Variants in FOCAD observed in about 807,000 individuals in gnomAD.
FOCAD encodes the protein KIAA1797.
Under a neutral mutation model 225.6 loss-of-function variants are expected in FOCAD, and 198 were observed. The ratio of observed to expected loss-of-function variants is 0.88; its 90% CI spans 0.78 to 0.99. FOCAD has a LOEUF of 0.99. Ranked by LOEUF, FOCAD falls within the 50% of genes least tolerant of loss-of-function variation. The probability of loss-of-function intolerance (pLI) is 0.00; values close to 1 mark genes in which losing one functional copy is unlikely to be tolerated. For synonymous variants in FOCAD, 897 were observed against 755.0 expected (o/e 1.19, Z -3.08); for missense variants, 2,713 against 2,123.6 (o/e 1.28, Z -5.46).
intron 21 of FOCAD, among the ~76,000 whole-genome samples, chr9:20,886,988 G>T (rs1376868113): frequency 6.6e-6 from 1 of 152,166 alleles, no homozygotes; most frequent in Non-Finnish European, 1.5e-5. Context: ...AGGCAGTGAG[G>T]CTCCATAGTC....
At chr9:20,935,574 A>G (rs896661150) in intron 28 of FOCAD, among the ~76,000 whole-genome samples, 1 of 152,030 alleles carries the variant, frequency 6.6e-6, no homozygotes, top group Middle Eastern at 3.2e-3. Flanking sequence ...CTAATTTTGT[A>G]TTTTTAGTAG....
At chr9:20,837,968 C>T (rs1056445839) in intron 15 of FOCAD, among the ~76,000 whole-genome samples, 2 of 152,046 alleles carry the variant, frequency 1.3e-5, no homozygotes, top group South Asian at 4.1e-4. Flanking sequence ...AAGAAGTTAA[C>T]TTGCTTAAAG....
intron 40 of FOCAD, 126 bp downstream of exon 40, chr9:20,986,591 G>C: frequency 1.3e-6 from 1 of 749,896 alleles, no homozygotes; most frequent in Non-Finnish European, 2.0e-6. Flanking sequence ...AGGCCTTCTG[G>C]TGCCAAATGA....
intron 10 of FOCAD, among the ~76,000 whole-genome samples, chr9:20,784,918 TTTTC>T (rs138731510): frequency 0.17 from 25,280 of 151,462 alleles, 2,509 homozygotes; most frequent in Non-Finnish European, 0.22. Context: ...AATAGATGTC[TTTTC>T]TTTCTTTCTT....
At chr9:20,958,443 A>T (rs1056329316) in intron 35 of FOCAD, among the ~76,000 whole-genome samples, 14 of 152,140 alleles carry the variant, frequency 9.2e-5, no homozygotes, top group Admixed American at 7.9e-4. Flanking sequence ...ATATTCATGG[A>T]GTACATAGAG....
At chr9:20,991,953 C>T (rs571077907) in intron 42 of FOCAD, among the ~76,000 whole-genome samples, 12 of 151,940 alleles carry the variant, frequency 7.9e-5, no homozygotes, top group African/African-American at 2.7e-4. Flanking sequence ...TTTTGCTTAT[C>T]GGTTGGATAT....
At chr9:20,671,718 A>G (rs751270947) in intron 2 of FOCAD, among the ~76,000 whole-genome samples, 42 of 152,312 alleles carry the variant, frequency 2.8e-4, no homozygotes, top group Admixed American at 1.7e-3. Context: ...GGCAGGCAAA[A>G]AAAGGGCAAA....
rs531667682 is a variant in FOCAD at position 20,967,836 on chromosome 9, A to G, written c.4133-8584A>G. On this transcript the variant is annotated intron_variant, in intron 35 of 43. Transcript: ENST00000338382. Reference sequence around the variant, plus strand: ...CCTGGGATAAATCGTGTTTGATCACAGTATATAATCTTTTTAATATGCTGT... The same window carrying G: ...CCTGGGATAAATCGTGTTTGATCACGGTATATAATCTTTTTAATATGCTGT... Among the ~76,000 whole-genome samples the G allele has an allele frequency of 2.0e-5, 3 of 152,216 alleles. No individual in the cohort carries two copies. In the South Asian group the frequency reaches 6.2e-4, roughly 32 times the overall value.
intron 15 of FOCAD, among the ~76,000 whole-genome samples, chr9:20,856,139 C>A (rs1287456353): frequency 2.6e-5 from 4 of 151,680 alleles, no homozygotes; most frequent in African/African-American, 9.7e-5. Context: ...GATCATATGG[C>A]AGTTCTATTT....
chr9:20,665,262 A>G (rs1469882043), intron 2 of FOCAD, among the ~76,000 whole-genome samples: 1 of 152,172 alleles, frequency 6.6e-6, no homozygotes, highest in Non-Finnish European at 1.5e-5. Flanking sequence ...ATAGAAGAGT[A>G]TGATAGTGAT....
At chr9:20,841,137 A>T (rs945322546) in intron 15 of FOCAD, among the ~76,000 whole-genome samples, 3 of 151,694 alleles carry the variant, frequency 2.0e-5, no homozygotes, top group African/African-American at 7.3e-5. Flanking sequence ...TTTACTGAGG[A>T]TTTTTGCATC....
chr9:20,769,257 G>A (rs1209226497), intron 7 of FOCAD, among the ~76,000 whole-genome samples: 1 of 152,104 alleles, frequency 6.6e-6, no homozygotes, highest in Non-Finnish European at 1.5e-5. Flanking sequence ...TTATTATGGT[G>A]ATAACCACTG....
At chr9:20,860,202 A>C (rs1828635729) in intron 15 of FOCAD, among the ~76,000 whole-genome samples, 1 of 152,202 alleles carries the variant, frequency 6.6e-6, no homozygotes, top group Non-Finnish European at 1.5e-5. Flanking sequence ...ATATTGGTGC[A>C]GTGCTGTTAA....
At position 20,866,917 on chromosome 9, in the gene FOCAD, T is replaced by TTTTTAAAAAAAAAA; in HGVS notation, c.2107-12_2107-11insTTTTAAAAAAAAAA. On this transcript the variant is annotated splice_polypyrimidine_tract_variant and intron_variant, in intron 17 of 43. Coordinates refer to ENST00000338382, the MANE Select transcript of FOCAD (RefSeq NM_001375567.1). ...TTTTTTTTTTTTTTTTTTTTTTTTT[T>TTTTTAAAAAAAAAA]ACCCTATCTAGGACCCAATTGTAGC... is the stretch of plus-strand genomic sequence containing the variant. 1 of 764,972 alleles carries TTTTTAAAAAAAAAA rather than the reference T, an allele frequency of 1.3e-6. No individual in the cohort carries two copies. Among genetic ancestry groups the TTTTTAAAAAAAAAA allele is most frequent in the Non-Finnish European group, 2.0e-6 (1 of 498,468 alleles). 47.4% of individuals were successfully genotyped at this position (764,972 alleles called of 1,614,324 possible). A position where few individuals can be genotyped will look rare whatever the true frequency, so the allele number is the denominator to read the frequency against.
At chr9:20,921,244 C>G (rs1834398875) in intron 24 of FOCAD, among the ~76,000 whole-genome samples, 1 of 152,070 alleles carries the variant, frequency 6.6e-6, no homozygotes, top group South Asian at 2.1e-4. Context: ...TACTTTGTCC[C>G]TAAGAAAGCA....
rs1270677406 is a variant in FOCAD at position 20,978,387 on chromosome 9, A to T, written c.4310A>T (p.Gln1437Leu). ...CTTGAAATTATGGTGACCCAGGCAC[A>T]GTCATCCCAGAATGCAGCTGCACTA... ...LCLEIMVTQA[Q>L]SSQNAAALLG... is the part of the protein sequence containing the mutation. The change falls in exon 37 of 44, where the codon CAG (glutamine) becomes CTG (leucine). Residue 1437 changes from glutamine (Q) to leucine (L), a missense_variant. Physicochemically the swap from Gln to Leu is moderately radical, Grantham distance 113. Transcript: ENST00000338382. 1 of 1,612,048 alleles carries T rather than the reference A, an allele frequency of 6.2e-7. No homozygotes were observed. Among genetic ancestry groups the T allele is most frequent in the Admixed American group, 1.7e-5 (1 of 59,810 alleles).
chr9:20,845,294 T>C (rs899362217), intron 15 of FOCAD, among the ~76,000 whole-genome samples: 28 of 151,960 alleles, frequency 1.8e-4, no homozygotes, highest in Admixed American at 2.0e-4. Flanking sequence ...CAGATATAAC[T>C]CTGATAATAA....
chr9:20,857,148 G>A (rs1828268067), intron 15 of FOCAD, among the ~76,000 whole-genome samples: 1 of 151,970 alleles, frequency 6.6e-6, no homozygotes, highest in Non-Finnish European at 1.5e-5. Context: ...TTTTGATAGG[G>A]ATTGCATTGA....
intron 3 of FOCAD, among the ~76,000 whole-genome samples, chr9:20,719,274 G>A (rs967295593): frequency 2.0e-5 from 3 of 152,022 alleles, no homozygotes; most frequent in Admixed American, 6.6e-5. Flanking sequence ...GTAGAGACTG[G>A]GTTTCACCAT....
Sources: gnomAD v4.1 joint callset for allele counts (sites outside exome capture counted in the v4.1 genomes callset) on GRCh38, gnomAD v4.1.1 for gene constraint, MANE v1.5 for transcripts, NCBI Gene and HGNC (gene_info 2026-07-23, HGNC 2026-07-21) for gene names.